The following CLTCL1 variants were observed in gnomAD, a reference collection of about 807,000 sequenced individuals.
CLTCL1 encodes clathrin heavy chain like 1, also known as clathrin heavy chain 2.
In CLTCL1, 159 loss-of-function variants were observed where a neutral mutation model predicts 190.0. That is an observed-to-expected ratio of 0.84 (90% CI 0.74 to 0.95). The LOEUF (loss-of-function observed/expected upper bound fraction) is 0.95, where lower values mean the gene tolerates loss of function less well. CLTCL1 is among the 40% of genes least tolerant of loss of function. The probability of loss-of-function intolerance (pLI) is 0.00; values close to 1 mark genes in which losing one functional copy is unlikely to be tolerated. For synonymous variants in CLTCL1, 752 were observed against 769.6 expected, an observed-to-expected ratio of 0.98 and a Z score of 0.38; for missense variants, 1,878 against 2,033.4, an observed-to-expected ratio of 0.92 and a Z score of 1.47.
At position 19,199,797 on chromosome 22, in the gene CLTCL1, C is replaced by A; in HGVS notation, c.3810G>T (p.Gln1270His). 1 of 1,598,868 alleles carries A rather than the reference C, an allele frequency of 6.3e-7. No individual in the cohort carries two copies. The highest frequency in any genetic ancestry group is 2.3e-5 in the East Asian group (1 of 44,346). The change falls in exon 24 of 33, where the codon CAG (glutamine) becomes CAT (histidine). Residue 1270 changes from glutamine to histidine, a missense_variant. By Grantham distance (24) the Gln-to-His change is conservative. Coordinates refer to ENST00000427926, the MANE Select transcript of CLTCL1 (RefSeq NM_007098.4). ...CMDGQEFRFA[Q>H]LCGLHIVIHA... ...GAATGACGATGTGAAGACCACACAG[C>A]TGTGCGAAGCGGAACTCTTGTCCAT...
chr22:19,269,304 G>A (rs541037495), intron 2 of CLTCL1, among the ~76,000 whole-genome samples: 11 of 152,180 alleles, frequency 7.2e-5, no homozygotes, highest in African/African-American at 2.4e-4. Context: ...GGAGGCTGAG[G>A]CAGGAGAATC....
Position 19,191,343 on chromosome 22 carries a change from G to A in CLTCL1, c.4284C>T (p.Pro1428=). The A allele has an allele frequency of 6.2e-7, 1 of 1,613,986 alleles. No individual in the cohort carries two copies. ...LINDLLLVLS[P]RLDHTWTVSF... is the part of the protein sequence containing the mutation. Reference sequence around the variant, plus strand: ...TGACTGTCCAGGTGTGGTCCAGCCGGGGTGAAAGCACCAGCAGCAGGTCAT... The same window carrying A: ...TGACTGTCCAGGTGTGGTCCAGCCGAGGTGAAAGCACCAGCAGCAGGTCAT... The change falls in exon 27 of 33, where the codon CCC becomes CCT. Residue 1428 remains proline, a synonymous_variant. Transcript: ENST00000427926.
intron 2 of CLTCL1, chr22:19,258,382 T>A: frequency 2.4e-6 from 1 of 411,764 alleles, no homozygotes; most frequent in Non-Finnish European, 4.6e-6. Context: ...TCCACCGAGA[T>A]CAGAGCTGCT....
chr22:19,240,894 G>A (rs782621062), intron 4 of CLTCL1, among the ~76,000 whole-genome samples: 7 of 152,206 alleles, frequency 4.6e-5, no homozygotes, highest in Non-Finnish European at 8.8e-5. Context: ...GGAGGAGGTT[G>A]GCAGAAAAGA....
At chr22:19,269,084 C>T (rs1277930349) in intron 2 of CLTCL1, among the ~76,000 whole-genome samples, 5 of 132,240 alleles carry the variant, frequency 3.8e-5, no homozygotes, top group Non-Finnish European at 8.0e-5. Context: ...AGCAAGACTC[C>T]TCAAAAAAAA....
chr22:19,222,943 C>T (rs1601568966), intron 14 of CLTCL1, 134 bp from the exon 15 acceptor site: 1 of 1,023,574 alleles, frequency 9.8e-7, no homozygotes, highest in East Asian at 2.6e-5. Flanking sequence ...TGAGACTGCT[C>T]TAAATAGGCT....
chr22:19,234,733 G>A (rs1326713476), intron 6 of CLTCL1, 27 bp from the exon 7 acceptor site: 2 of 1,593,160 alleles, frequency 1.3e-6, no homozygotes, highest in East Asian at 4.5e-5. Flanking sequence ...AGTGAGAGCA[G>A]CCCGGCCTAG....
intron 26 of CLTCL1, among the ~76,000 whole-genome samples, chr22:19,193,232 G>A (rs1295124472): frequency 2.0e-5 from 3 of 152,228 alleles, no homozygotes; most frequent in African/African-American, 7.2e-5. Flanking sequence ...GGTACCATGT[G>A]CACTCTTGGC....
intron 1 of CLTCL1, among the ~76,000 whole-genome samples, chr22:19,276,704 C>G (rs529323958): frequency 6.9e-4 from 105 of 152,312 alleles, no homozygotes; most frequent in Non-Finnish European, 8.4e-4. Context: ...GAGTCTCGCT[C>G]TGTTGCCCAG....
intron 18 of CLTCL1, 120 bp from the exon 19 acceptor site, chr22:19,216,376 G>A (rs1341221931): frequency 2.3e-6 from 2 of 858,756 alleles, no homozygotes; most frequent in Non-Finnish European, 3.6e-6. Flanking sequence ...GAGAAAATGG[G>A]AGACTTCTTA....
chr22:19,224,128 C>T, intron 13 of CLTCL1, 74 bp from the exon 14 acceptor site: 2 of 1,475,378 alleles, frequency 1.4e-6, no homozygotes, highest in Non-Finnish European at 1.9e-6. Flanking sequence ...GCCCACCTTC[C>T]CTCGATGACC....
chr22:19,190,596 C>CA (rs55780206), intron 27 of CLTCL1, among the ~76,000 whole-genome samples: 872 of 72,706 alleles, frequency 0.012, 25 homozygotes, highest in Non-Finnish European at 0.018. Context: ...AAGACTGTCT[C>CA]AAAAAAAAAA....
chr22:19,257,972 G>A (rs1255081297), intron 2 of CLTCL1: 14 of 672,078 alleles, frequency 2.1e-5, no homozygotes, highest in Admixed American at 1.6e-4. Flanking sequence ...TGCCTTCATC[G>A]TTCTGCACAC....
chr22:19,202,386 C>A (rs1342724521), intron 22 of CLTCL1, among the ~76,000 whole-genome samples: 23 of 151,002 alleles, frequency 1.5e-4, no homozygotes, highest in South Asian at 2.1e-4. Context: ...CAGCACCTCC[C>A]GCACCAACCC....
intron 1 of CLTCL1, among the ~76,000 whole-genome samples, chr22:19,279,337 A>G (rs1421454560): frequency 6.6e-6 from 1 of 151,858 alleles, no homozygotes; most frequent in African/African-American, 2.4e-5. Context: ...GGGTTTCACC[A>G]TATTAGCTAG....
chr22:19,273,156 C>A (rs2092036311), intron 2 of CLTCL1, among the ~76,000 whole-genome samples: 1 of 152,204 alleles, frequency 6.6e-6, no homozygotes, highest in African/African-American at 2.4e-5. Flanking sequence ...TCTCCATCAA[C>A]CAATCACTAT....
At chr22:19,219,522 C>T (rs973782632) in intron 18 of CLTCL1, among the ~76,000 whole-genome samples, 2 of 147,050 alleles carry the variant, frequency 1.4e-5, no homozygotes, top group Non-Finnish European at 3.0e-5. Flanking sequence ...CTCTGTCTGT[C>T]GCCCAGGCTG....
At chr22:19,250,228 T>G (rs889878660) in intron 3 of CLTCL1, among the ~76,000 whole-genome samples, 2 of 151,848 alleles carry the variant, frequency 1.3e-5, no homozygotes, top group African/African-American at 4.8e-5. Context: ...CACTCCAGCC[T>G]GGGTGACAGA....
chr22:19,193,451 C>G (rs1036770193), intron 26 of CLTCL1, among the ~76,000 whole-genome samples: 1 of 152,120 alleles, frequency 6.6e-6, no homozygotes, highest in Non-Finnish European at 1.5e-5. Context: ...AGCTGAAAGA[C>G]AGGATGGGGT....
Sources: allele counts gnomAD v4.1 joint callset (sites outside exome capture counted in the v4.1 genomes callset), GRCh38; gene constraint gnomAD v4.1.1; transcripts MANE v1.5; gene names NCBI Gene and HGNC (gene_info 2026-07-23, HGNC 2026-07-21).